SAMTOR: variants seen among roughly 807,000 people sequenced by gnomAD.
SAMTOR encodes S-adenosylmethionine sensor upstream of mTORC1.
chr7:112,832,486 G>T, the SAMTOR span: 1 of 812,624 alleles, frequency 1.2e-6, no homozygotes, highest in South Asian at 1.5e-5. Context: ...GCTATTTTAG[G>T]GATGCAAAGA....
chr7:112,858,523 T>C, the SAMTOR span, among the ~76,000 whole-genome samples: 4 of 152,084 alleles, frequency 2.6e-5, no homozygotes, highest in African/African-American at 7.2e-5. Context: ...AAAAATCAAG[T>C]TGTTATTCTT....
At chr7:112,893,778 T>C in the SAMTOR span, among the ~76,000 whole-genome samples, 14 of 152,332 alleles carry the variant, frequency 9.2e-5, no homozygotes, top group East Asian at 1.9e-3. Flanking sequence ...GGCACGCACC[T>C]GTAGTCCCAG....
the SAMTOR span, among the ~76,000 whole-genome samples, chr7:112,921,348 A>C: frequency 6.6e-6 from 1 of 151,850 alleles, no homozygotes; most frequent in African/African-American, 2.4e-5. Context: ...CAATGGGGAA[A>C]GGATTCCCTA....
the SAMTOR span, among the ~76,000 whole-genome samples, chr7:112,872,309 A>G: frequency 1.3e-5 from 2 of 152,206 alleles, no homozygotes; most frequent in East Asian, 3.8e-4. Context: ...CTAGGTTGCA[A>G]GATTGATTCA....
At chr7:112,853,655 TC>T in the SAMTOR span, among the ~76,000 whole-genome samples, 1 of 152,118 alleles carries the variant, frequency 6.6e-6, no homozygotes, top group Non-Finnish European at 1.5e-5. Context: ...TGTTGTTTTT[TC>T]AAAGTGCTCT....
chr7:112,854,884 G>A, the SAMTOR span, among the ~76,000 whole-genome samples: 1 of 152,068 alleles, frequency 6.6e-6, no homozygotes, highest in African/African-American at 2.4e-5. Context: ...CTCAGAGAAA[G>A]GTATAAAGAA....
the SAMTOR span, among the ~76,000 whole-genome samples, chr7:112,880,511 T>C: frequency 1.3e-5 from 2 of 152,176 alleles, no homozygotes; most frequent in Non-Finnish European, 2.9e-5. Context: ...TATAATTTTT[T>C]AAGTCTAGAA....
At chr7:112,863,084 T>C in the SAMTOR span, among the ~76,000 whole-genome samples, 1 of 151,990 alleles carries the variant, frequency 6.6e-6, no homozygotes, top group Non-Finnish European at 1.5e-5. Flanking sequence ...AAAAAATACA[T>C]ATATATAGGC....
chr7:112,850,681 C>A, the SAMTOR span, among the ~76,000 whole-genome samples: 1 of 152,150 alleles, frequency 6.6e-6, no homozygotes, highest in African/African-American at 2.4e-5. Context: ...GGTTTCTAGT[C>A]TGTGCATGTA....
At chr7:112,851,470 C>G in the SAMTOR span, among the ~76,000 whole-genome samples, 147 of 152,174 alleles carry the variant, frequency 9.7e-4, no homozygotes, top group Non-Finnish European at 8.7e-4. Flanking sequence ...GTCAATAATG[C>G]TGGGAAAACT....
chr7:112,923,358 T>C, the SAMTOR span, among the ~76,000 whole-genome samples: 1 of 152,062 alleles, frequency 6.6e-6, no homozygotes, highest in East Asian at 1.9e-4. Flanking sequence ...TGCAGGGTCC[T>C]CTGCCTAGGA....
the SAMTOR span, among the ~76,000 whole-genome samples, chr7:112,920,379 G>A: frequency 6.6e-6 from 1 of 151,490 alleles, no homozygotes; most frequent in Non-Finnish European, 1.5e-5. Context: ...TGCAGAAAAG[G>A]CCTTTGACAA....
the SAMTOR span, among the ~76,000 whole-genome samples, chr7:112,923,965 T>C: frequency 3.3e-5 from 5 of 151,578 alleles, no homozygotes; most frequent in South Asian, 6.3e-4. Context: ...ACACCGCATA[T>C]TCTCACTCAT....
At chr7:112,881,177 G>C in the SAMTOR span, among the ~76,000 whole-genome samples, 1 of 152,218 alleles carries the variant, frequency 6.6e-6, no homozygotes, top group Non-Finnish European at 1.5e-5. Flanking sequence ...TGCATGTATA[G>C]TGCTGACACT....
chr7:112,839,602 T>A, the SAMTOR span, among the ~76,000 whole-genome samples: 2 of 151,768 alleles, frequency 1.3e-5, no homozygotes, highest in Non-Finnish European at 2.9e-5. Flanking sequence ...CCAGAAACAT[T>A]AATGTAATCA....
the SAMTOR span, among the ~76,000 whole-genome samples, chr7:112,930,228 A>G: frequency 6.6e-6 from 1 of 152,152 alleles, no homozygotes. Context: ...ATTAAAACAA[A>G]ATGTTCAGAA....
chr7:112,939,660 G>C, the SAMTOR span: 5 of 1,613,872 alleles, frequency 3.1e-6, no homozygotes, highest in Non-Finnish European at 4.2e-6. Context: ...TCCTGCTCCA[G>C]TTTCCGCTCC....
the SAMTOR span, chr7:112,939,851 G>T: frequency 1.2e-6 from 1 of 859,966 alleles, no homozygotes; most frequent in Non-Finnish European, 1.8e-6. Flanking sequence ...GCAGCAGCCA[G>T]AGGAGGCAGA....
At chr7:112,931,476 T>C in the SAMTOR span, among the ~76,000 whole-genome samples, 4 of 152,280 alleles carry the variant, frequency 2.6e-5, no homozygotes, top group Middle Eastern at 0.01. Flanking sequence ...ATAAGGCAGA[T>C]GGAAAGAAAT....
Sources: gnomAD v4.1 joint callset for allele counts (sites outside exome capture counted in the v4.1 genomes callset) on GRCh38, gnomAD v4.1.1 for gene constraint, MANE v1.5 for transcripts, NCBI Gene and HGNC (gene_info 2026-07-23, HGNC 2026-07-21) for gene names.